PTPN14: variants seen among roughly 807,000 people sequenced by gnomAD.
PTPN14 encodes the protein tyrosine-protein phosphatase non-receptor type 14.
In PTPN14, 53 loss-of-function variants were observed where a neutral mutation model predicts 126.8. The observed-to-expected ratio is 0.42, with a 90% confidence interval of 0.34 to 0.53. PTPN14 has a LOEUF of 0.53. PTPN14 is among the 20% of genes least tolerant of loss of function. PTPN14 has a pLI of 0.08. For synonymous variants in PTPN14, 630 were observed against 599.3 expected (o/e 1.05, Z -0.75); for missense variants, 1,257 against 1,552.9 (o/e 0.81, Z 3.20).
rs1221215572 is a variant in PTPN14 at position 214,349,715 on chromosome 1, G to A, written c.*8207C>T. The A allele has an allele frequency of 1.3e-5, 2 of 152,184 alleles. No homozygotes were observed. The highest frequency in any genetic ancestry group is 4.8e-5 in the African/African-American group (2 of 41,438). 9.4% of individuals were successfully genotyped at this position (152,184 alleles called of 1,614,324 possible). ...TACATAGGAACTCATCTCTGATGAAGAGTAGCTTTATGTCAGAAAGGAGAA... is the reference window on the plus strand; with the variant it reads ...TACATAGGAACTCATCTCTGATGAAAAGTAGCTTTATGTCAGAAAGGAGAA... On this transcript the variant is annotated 3_prime_UTR_variant, in exon 19 of 19. Transcript: ENST00000366956.
chr1:214,376,190 C>T (rs1658338896), intron 15 of PTPN14, 29 bp downstream of exon 15: 1 of 1,594,356 alleles, frequency 6.3e-7, no homozygotes, highest in Non-Finnish European at 8.6e-7. Context: ...CCATCTTTAC[C>T]AAACCTTCTA....
intron 3 of PTPN14, among the ~76,000 whole-genome samples, chr1:214,434,807 C>A (rs995363210): frequency 6.6e-5 from 10 of 152,008 alleles, no homozygotes; most frequent in African/African-American, 2.4e-5. Flanking sequence ...GGACCCACGG[C>A]GAAACATGTT....
At chr1:214,514,586 C>T (rs1396586705) in intron 1 of PTPN14, among the ~76,000 whole-genome samples, 1 of 152,108 alleles carries the variant, frequency 6.6e-6, no homozygotes, top group African/African-American at 2.4e-5. Context: ...CCTGGGGTCC[C>T]CCCTCGATGG....
intron 17 of PTPN14, among the ~76,000 whole-genome samples, chr1:214,365,148 T>C (rs1658051693): frequency 6.6e-6 from 1 of 152,146 alleles, no homozygotes. Context: ...TTCCCCTCAC[T>C]GATGAGTGAA....
At chr1:214,529,238 G>A (rs1285190818) in intron 1 of PTPN14, 1 of 152,206 alleles carries the variant, frequency 6.6e-6, no homozygotes, top group Non-Finnish European at 1.5e-5. Flanking sequence ...GATCACTTAA[G>A]CCCAGGAGTT....
At chr1:214,373,914 T>C (rs1658280496) in intron 15 of PTPN14, among the ~76,000 whole-genome samples, 1 of 152,162 alleles carries the variant, frequency 6.6e-6, no homozygotes, top group African/African-American at 2.4e-5. Context: ...ACTACAGTCA[T>C]GACATGACTT....
At chr1:214,367,204 T>G (rs577985083) in intron 17 of PTPN14, among the ~76,000 whole-genome samples, 1 of 152,220 alleles carries the variant, frequency 6.6e-6, no homozygotes, top group Non-Finnish European at 1.5e-5. Flanking sequence ...GTGAAAGAAA[T>G]ACAATGAGCA....
chr1:214,391,380 C>T (rs1005956223), intron 10 of PTPN14, among the ~76,000 whole-genome samples: 3 of 151,688 alleles, frequency 2.0e-5, no homozygotes, highest in African/African-American at 7.3e-5. Flanking sequence ...TGTACTCTTT[C>T]TACTGTTGTA....
At chr1:214,393,613 A>G in intron 10 of PTPN14, 82 bp downstream of exon 10, 1 of 1,114,182 alleles carries the variant, frequency 9.0e-7, no homozygotes, top group African/African-American at 1.6e-5. Flanking sequence ...GTGAATAGGA[A>G]AAGAGATCTA....
At chr1:214,410,307 T>TC (rs1659274449) in intron 5 of PTPN14, among the ~76,000 whole-genome samples, 1 of 151,726 alleles carries the variant, frequency 6.6e-6, no homozygotes, top group Non-Finnish European at 1.5e-5. Flanking sequence ...TTTCTTTTTT[T>TC]TTTTTTGAGA....
chr1:214,397,228 C>T (rs374561795), intron 8 of PTPN14, among the ~76,000 whole-genome samples: 2 of 152,288 alleles, frequency 1.3e-5, no homozygotes, highest in African/African-American at 4.8e-5. Context: ...ATAGTGTGCC[C>T]TGGATACACA....
At chr1:214,412,358 A>C (rs17022836) in intron 4 of PTPN14, among the ~76,000 whole-genome samples, 2,606 of 152,318 alleles carry the variant, frequency 0.017, 81 homozygotes, top group African/African-American at 0.059. Flanking sequence ...ACTAAACTTG[A>C]ATGAAATTTT....
At chr1:214,548,000 C>A (rs923581153) in intron 1 of PTPN14, among the ~76,000 whole-genome samples, 3 of 151,970 alleles carry the variant, frequency 2.0e-5, no homozygotes, top group African/African-American at 7.3e-5. Flanking sequence ...ACACAAAGAG[C>A]ACATTCATGG....
intron 4 of PTPN14, among the ~76,000 whole-genome samples, chr1:214,412,846 A>C (rs958885570): frequency 6.6e-6 from 1 of 152,152 alleles, no homozygotes; most frequent in Non-Finnish European, 1.5e-5. Flanking sequence ...GAAAGAGTAC[A>C]TGCAGTAAAC....
At chr1:214,542,860 G>C (rs1024397017) in intron 1 of PTPN14, among the ~76,000 whole-genome samples, 4 of 152,150 alleles carry the variant, frequency 2.6e-5, no homozygotes, top group African/African-American at 9.7e-5. Context: ...TAAACATCAA[G>C]CTGAAGTATA....
At chr1:214,468,587 C>T (rs1348143326) in intron 1 of PTPN14, among the ~76,000 whole-genome samples, 1 of 150,924 alleles carries the variant, frequency 6.6e-6, no homozygotes, top group Non-Finnish European at 1.5e-5. Context: ...GAAAAACCAA[C>T]ACATACACCA....
intron 1 of PTPN14, among the ~76,000 whole-genome samples, chr1:214,506,312 T>A (rs570794390): frequency 1.7e-3 from 260 of 152,104 alleles, no homozygotes; most frequent in Non-Finnish European, 2.4e-3. Context: ...CGAGACCAGA[T>A]TGGGCAACAC....
At chr1:214,376,097 T>A in intron 15 of PTPN14, 122 bp downstream of exon 15, 1 of 860,568 alleles carries the variant, frequency 1.2e-6, no homozygotes, top group Non-Finnish European at 1.8e-6. Flanking sequence ...TCAAAAACAA[T>A]CCCTGAGGGT....
At chr1:214,484,037 C>A (rs1334584014) in intron 1 of PTPN14, among the ~76,000 whole-genome samples, 1 of 152,162 alleles carries the variant, frequency 6.6e-6, no homozygotes, top group Admixed American at 6.5e-5. Flanking sequence ...AAAAAGAAAT[C>A]GTAGAATGGG....
Sources: gnomAD v4.1 joint callset for allele counts (sites outside exome capture counted in the v4.1 genomes callset) on GRCh38, gnomAD v4.1.1 for gene constraint, MANE v1.5 for transcripts, NCBI Gene and HGNC (gene_info 2026-07-23, HGNC 2026-07-21) for gene names.